Variants in SLC1A2 observed in about 807,000 individuals in gnomAD.
SLC1A2 encodes the protein excitatory amino acid transporter 2.
A neutral mutation model predicts 48.8 loss-of-function variants in SLC1A2; 15 were observed. That is an observed-to-expected ratio of 0.31 (90% CI 0.21 to 0.47). SLC1A2 has a LOEUF of 0.47. Ranked by LOEUF, SLC1A2 falls within the 20% of genes least tolerant of loss-of-function variation. The pLI is 0.99. For missense variants in SLC1A2, 502 were observed against 730.5 expected (o/e 0.69, Z 3.61); for synonymous variants, 279 against 272.6 (o/e 1.02, Z -0.23).
chr11:35,399,918 G>A (rs920365262), intron 1 of SLC1A2, among the ~76,000 whole-genome samples: 3 of 152,184 alleles, frequency 2.0e-5, no homozygotes, highest in African/African-American at 7.2e-5. Context: ...GGAACAAAAA[G>A]CTCACCAAAT....
chr11:35,419,971 G>A (rs1438752854), upstream of SLC1A2: 5 of 468,752 alleles, frequency 1.1e-5, no homozygotes, highest in Admixed American at 4.7e-5. This position sits in a 1 kb window ranked among gnomAD's most constrained non-coding sequence, Gnocchi z 5.4. Context: ...CAGGTCCAGC[G>A]GAGTCGAGCG....
At position 35,269,049 on chromosome 11, in the gene SLC1A2, G is replaced by T. The variant is rs78462442; in HGVS notation, c.1422-3291C>A. 3.1e-3 allele frequency among the ~76,000 whole-genome samples: 471 copies of T among 152,324 alleles called. 4 individuals carry two copies. Among genetic ancestry groups the T allele is most frequent in the South Asian group, 0.012 (57 of 4,826 alleles). On this transcript the variant is annotated intron_variant, in intron 9 of 10. Transcript: ENST00000278379. Reference sequence around the variant, plus strand: ...ATCATCTCCAAGGTGATGGTATTTGGAGATGGGACCATTGGGAGGTGATTA... The same window carrying T: ...ATCATCTCCAAGGTGATGGTATTTGTAGATGGGACCATTGGGAGGTGATTA...
At chr11:35,403,171 A>G (rs770205181) in intron 1 of SLC1A2, among the ~76,000 whole-genome samples, 1 of 152,256 alleles carries the variant, frequency 6.6e-6, no homozygotes, top group Non-Finnish European at 1.5e-5. Context: ...GCTTTCATCC[A>G]TTCCAAAACC....
At chr11:35,331,952 G>A (rs1852444332) in intron 1 of SLC1A2, among the ~76,000 whole-genome samples, 1 of 152,260 alleles carries the variant, frequency 6.6e-6, no homozygotes, top group African/African-American at 2.4e-5. Flanking sequence ...GAATTTTTGA[G>A]AGACTAGTGA....
At chr11:35,403,066 A>G (rs531423677) in intron 1 of SLC1A2, among the ~76,000 whole-genome samples, 1 of 152,334 alleles carries the variant, frequency 6.6e-6, no homozygotes, top group South Asian at 2.1e-4. Flanking sequence ...ACTAAAAGTA[A>G]CACAGTACTG....
At chr11:35,287,924 C>A (rs1359716926) in intron 7 of SLC1A2, among the ~76,000 whole-genome samples, 1 of 152,134 alleles carries the variant, frequency 6.6e-6, no homozygotes. Context: ...TTTTTCTATT[C>A]AAACTTTAGC....
chr11:35,368,201 G>A (rs776676228), intron 1 of SLC1A2, among the ~76,000 whole-genome samples: 2 of 152,158 alleles, frequency 1.3e-5, no homozygotes, highest in African/African-American at 2.4e-5. Flanking sequence ...CAATTCATCA[G>A]AACATTCATT....
chr11:35,352,072 T>C (rs1300954281), intron 1 of SLC1A2, among the ~76,000 whole-genome samples: 1 of 152,250 alleles, frequency 6.6e-6, no homozygotes, highest in Non-Finnish European at 1.5e-5. Flanking sequence ...TGTTTCCAAC[T>C]TTCTACAGCA....
chr11:35,349,845 G>A (rs140150028), intron 1 of SLC1A2, among the ~76,000 whole-genome samples: 110 of 152,240 alleles, frequency 7.2e-4, no homozygotes, highest in African/African-American at 2.5e-3. Flanking sequence ...TAATTGAAAA[G>A]GCCATTCTTG....
At chr11:35,413,641 A>C (rs1329132417) in intron 1 of SLC1A2, 2 of 152,148 alleles carry the variant, frequency 1.3e-5, no homozygotes, top group African/African-American at 4.8e-5. Context: ...CTGTGAGCCT[A>C]TAAGAATATA....
chr11:35,361,512 G>A (rs7131025), intron 1 of SLC1A2, among the ~76,000 whole-genome samples: 3,566 of 152,182 alleles, frequency 0.023, 145 homozygotes, highest in African/African-American at 0.082. Flanking sequence ...TCTGGAGAAG[G>A]CCTTTGTTAC....
intron 1 of SLC1A2, among the ~76,000 whole-genome samples, chr11:35,380,800 T>C (rs1203040282): frequency 6.6e-6 from 1 of 152,216 alleles, no homozygotes; most frequent in Non-Finnish European, 1.5e-5. Context: ...TGAGTGCCTC[T>C]GGGTATTTTT....
rs370396192 is a variant in SLC1A2, at chr11:35,261,005, G to T, written c.1654-40C>A. On this transcript the variant is annotated intron_variant, in intron 10 of 10. Coordinates refer to ENST00000278379, the MANE Select transcript of SLC1A2 (RefSeq NM_004171.4). ...CATCAACATCCAGCTTACAGACCAC[G>T]AACCAGAAAAAAGCCCTGTGGGTTA... The T allele has an allele frequency of 4.0e-6, 6 of 1,517,912 alleles. No individual in the cohort carries two copies. The African/African-American group carries it at 8.2e-5, about 21-fold the overall frequency. The allele number at this position is 1,517,912 out of a possible 1,614,324, so 94.0% of individuals were successfully genotyped here.
intron 1 of SLC1A2, among the ~76,000 whole-genome samples, chr11:35,317,838 T>G (rs1185501633): frequency 2.0e-5 from 3 of 152,202 alleles, no homozygotes; most frequent in Non-Finnish European, 4.4e-5. Context: ...TTGCAAAGGC[T>G]AAAATAGAGA....
chr11:35,322,518 G>T, intron 1 of SLC1A2: 2 of 1,223,026 alleles, frequency 1.6e-6, no homozygotes, highest in Non-Finnish European at 2.3e-6. Context: ...CAACTGGTGT[G>T]TTTCTCCTGG....
At chr11:35,343,271 T>C (rs945383554) in intron 1 of SLC1A2, among the ~76,000 whole-genome samples, 5 of 152,222 alleles carry the variant, frequency 3.3e-5, no homozygotes, top group African/African-American at 9.7e-5. Flanking sequence ...GGACCCAACA[T>C]AGCACTGGAT....
intron 1 of SLC1A2, among the ~76,000 whole-genome samples, chr11:35,363,313 G>A (rs1294557736): frequency 6.6e-6 from 1 of 152,204 alleles, no homozygotes; most frequent in African/African-American, 2.4e-5. Context: ...GGATGTCTGA[G>A]TAGGAGGCAG....
At chr11:35,321,375 G>A (rs528585485) in intron 1 of SLC1A2, among the ~76,000 whole-genome samples, 7 of 152,258 alleles carry the variant, frequency 4.6e-5, no homozygotes, top group South Asian at 2.1e-4. Flanking sequence ...CAGGGAAGGC[G>A]TCTGTGATGA....
At chr11:35,380,426 C>T (rs1044385874) in intron 1 of SLC1A2, 14 of 398,406 alleles carry the variant, frequency 3.5e-5, no homozygotes, top group South Asian at 1.3e-4. Flanking sequence ...TGCATATGTG[C>T]GAGTTATTCT....
Sources: allele counts gnomAD v4.1 joint callset (sites outside exome capture counted in the v4.1 genomes callset), GRCh38; gene constraint gnomAD v4.1.1; non-coding constraint Gnocchi (gnomAD v3.1); transcripts MANE v1.5; gene names NCBI Gene and HGNC (gene_info 2026-07-23, HGNC 2026-07-21).